Variants in SYN2 observed in about 807,000 individuals in gnomAD.
SYN2 encodes synapsin-2.
SYN2 carries 19 observed loss-of-function variants against 50.9 expected under a neutral mutation model. The observed-to-expected ratio is 0.37, with a 90% CI of 0.26 to 0.55. SYN2 has a LOEUF of 0.55. SYN2 is among the 20% of genes least tolerant of loss of function. SYN2 has a pLI of 0.81. For missense variants in SYN2, 587 were observed against 576.4 expected (o/e 1.02, Z -0.19); for synonymous variants, 255 against 224.9 (o/e 1.13, Z -1.20).
At chr3:12,034,683 G>A (rs1446445363) in intron 1 of SYN2, among the ~76,000 whole-genome samples, 1 of 152,064 alleles carries the variant, frequency 6.6e-6, no homozygotes, top group Non-Finnish European at 1.5e-5. Flanking sequence ...ACCTACTACT[G>A]CAGCAACTAA....
chr3:12,013,807 GAT>G (rs1186074278), intron 1 of SYN2, among the ~76,000 whole-genome samples: 1 of 152,108 alleles, frequency 6.6e-6, no homozygotes, highest in Non-Finnish European at 1.5e-5. Flanking sequence ...GCCCTCCTGT[GAT>G]TTGACCCCTG....
At position 12,158,458 on chromosome 3, in the gene SYN2, C is replaced by T. The variant is rs111455722; in HGVS notation, c.775-3088C>T. On this transcript the variant is annotated intron_variant, in intron 5 of 12. Transcript: ENST00000621198. ...TGACACTCCATAATTGCAGTATGGC[C>T]GGAGTGAGGGAGGTCGCTATGGAAG... is the stretch of plus-strand genomic sequence containing the variant. Among the ~76,000 whole-genome samples the T allele has an allele frequency of 4.9e-3, 741 of 152,222 alleles. 7 individuals are homozygous for T. The highest frequency in any genetic ancestry group is 0.017 in the African/African-American group (712 of 41,516).
At chr3:12,052,171 C>A (rs117509018) in intron 1 of SYN2, among the ~76,000 whole-genome samples, 1 of 152,164 alleles carries the variant, frequency 6.6e-6, no homozygotes, top group Non-Finnish European at 1.5e-5. Flanking sequence ...AGGCGTTGTG[C>A]TAGACTGTAT....
intron 1 of SYN2, among the ~76,000 whole-genome samples, chr3:12,131,074 G>A (rs1455834827): frequency 1.3e-5 from 2 of 152,222 alleles, no homozygotes; most frequent in East Asian, 1.9e-4. Flanking sequence ...GTTGTTCACT[G>A]TACAAGGACA....
intron 1 of SYN2, among the ~76,000 whole-genome samples, chr3:12,060,391 T>C (rs1219790929): frequency 6.6e-6 from 1 of 152,120 alleles, no homozygotes; most frequent in African/African-American, 2.4e-5. Flanking sequence ...CAGAGTCTTA[T>C]CCCACCTGGG....
intron 1 of SYN2, among the ~76,000 whole-genome samples, chr3:12,103,628 C>G (rs968586766): frequency 1.3e-5 from 2 of 152,064 alleles, no homozygotes; most frequent in Non-Finnish European, 1.5e-5. Flanking sequence ...TTGAGAAACC[C>G]GCTTCCAAGG....
Position 12,028,190 on chromosome 3 carries a change from A to G in SYN2, c.377+23262A>G, listed in dbSNP as rs1257383171. Among the ~76,000 whole-genome samples, 9 of 151,552 alleles carry G rather than the reference A, an allele frequency of 5.9e-5. No individual in the cohort carries two copies. The East Asian group carries it at 1.6e-3, about 26-fold the overall frequency. ...GGTTTCCAATTTCATCCATGTCCCT[A>G]CAAAGGACATGAACTCATCATTTTT... On this transcript the variant is annotated intron_variant, in intron 1 of 12. Coordinates refer to ENST00000621198, the MANE Select transcript of SYN2 (RefSeq NM_133625.6).
chr3:12,136,212 A>C (rs1264638196), intron 1 of SYN2, among the ~76,000 whole-genome samples: 1 of 152,230 alleles, frequency 6.6e-6, no homozygotes, highest in Non-Finnish European at 1.5e-5. Context: ...GCTTTTTGCT[A>C]ACAGTGCTTC....
chr3:12,157,543 C>T, intron 5 of SYN2: 1 of 1,517,328 alleles, frequency 6.6e-7, no homozygotes, highest in Non-Finnish European at 9.1e-7. Context: ...CACCTGAGGT[C>T]TGGATGATCC....
intron 1 of SYN2, among the ~76,000 whole-genome samples, chr3:12,068,714 C>G (rs1695276456): frequency 6.6e-6 from 1 of 151,556 alleles, no homozygotes; most frequent in Admixed American, 6.6e-5. Context: ...AGGAAGATTT[C>G]CTTGACTTTT....
At chr3:12,163,217 G>A (rs1016654501) in intron 7 of SYN2, among the ~76,000 whole-genome samples, 3 of 146,700 alleles carry the variant, frequency 2.0e-5, no homozygotes, top group African/African-American at 7.8e-5. Flanking sequence ...ACTCCAGCCT[G>A]GGCGACAGTG....
intron 10 of SYN2, among the ~76,000 whole-genome samples, chr3:12,181,616 C>T (rs532981800): frequency 3.4e-4 from 51 of 152,074 alleles, no homozygotes; most frequent in Non-Finnish European, 5.7e-4. Flanking sequence ...ACAGTAAGCA[C>T]GCCATAAATG....
intron 1 of SYN2, among the ~76,000 whole-genome samples, chr3:12,108,887 A>AAG (rs753400289): frequency 6.6e-6 from 1 of 151,524 alleles, no homozygotes; most frequent in East Asian, 1.9e-4. Context: ...ATCTGCTTAA[A>AAG]AGAGAGGGAA....
intron 1 of SYN2, chr3:12,071,012 A>C (rs1695340413): frequency 1.8e-6 from 1 of 552,820 alleles, no homozygotes; most frequent in African/African-American, 1.9e-5. Context: ...TGGTGTCTGG[A>C]GGCGCTGTTA....
Position 12,098,856 on chromosome 3 carries a change from C to CATATATATATATATATAT in SYN2, c.378-41787_378-41770dup, listed in dbSNP as rs35420190. On this transcript the variant is annotated intron_variant, in intron 1 of 12. Transcript: ENST00000621198. ...GTCACAAATAGGTTAAAAGCAAAAG[C>CATATATATATATATATAT]ATATATATATATATATATATATATA... 2.1e-3 allele frequency among the ~76,000 whole-genome samples: 281 copies of CATATATATATATATATAT among 133,562 alleles called. 1 individual carries two copies. In the East Asian group the frequency reaches 0.024, roughly 11 times the overall value. The allele number at this position is 133,562 out of a possible 152,430, so 87.6% of individuals were successfully genotyped here. A position where few individuals can be genotyped will look rare whatever the true frequency, so the allele number is the denominator to read the frequency against.
At chr3:12,044,932 C>G (rs948520479) in intron 1 of SYN2, among the ~76,000 whole-genome samples, 5 of 152,114 alleles carry the variant, frequency 3.3e-5, no homozygotes, top group African/African-American at 9.7e-5. Context: ...ATAATAGGTA[C>G]ACTTATCTCT....
At chr3:12,145,307 C>T (rs9852390) in intron 3 of SYN2, among the ~76,000 whole-genome samples, 7,281 of 152,186 alleles carry the variant, frequency 0.048, 588 homozygotes, top group African/African-American at 0.17. Flanking sequence ...GACGCTGAGG[C>T]GAGAGGATCA....
intron 1 of SYN2, among the ~76,000 whole-genome samples, chr3:12,081,336 A>C (rs1695584002): frequency 6.6e-6 from 1 of 152,220 alleles, no homozygotes; most frequent in African/African-American, 2.4e-5. Context: ...TGAAGGAATG[A>C]GCTATTGTTC....
intron 1 of SYN2, among the ~76,000 whole-genome samples, chr3:12,012,595 C>T (rs1278218579): frequency 2.6e-5 from 4 of 152,192 alleles, no homozygotes; most frequent in African/African-American, 9.7e-5. Flanking sequence ...ATTACCCTCT[C>T]CCTGCACACA....
Sources: gnomAD v4.1 joint callset for allele counts (sites outside exome capture counted in the v4.1 genomes callset) on GRCh38, gnomAD v4.1.1 for gene constraint, MANE v1.5 for transcripts, NCBI Gene and HGNC (gene_info 2026-07-23, HGNC 2026-07-21) for gene names.